HYDIN: variants seen among roughly 807,000 people sequenced by gnomAD.
The protein encoded by HYDIN is axonemal central pair apparatus protein HYDIN.
Under a neutral mutation model 403.9 loss-of-function variants are expected in HYDIN, and 132 were observed. The ratio of observed to expected loss-of-function variants is 0.33; its 90% CI spans 0.28 to 0.38. The LOEUF is 0.38. Among genes scored for constraint, HYDIN ranks in the 10% least tolerant of loss-of-function variants. The pLI is 1.00. For missense variants in HYDIN, 2,827 were observed against 5,009.5 expected, an observed-to-expected ratio of 0.56 and a Z score of 13.15; for synonymous variants, 1,202 against 1,891.7, an observed-to-expected ratio of 0.64 and a Z score of 9.46.
intron 83 of HYDIN, among the ~76,000 whole-genome samples, chr16:70,823,988 AT>A (rs1008819483): frequency 6.7e-6 from 1 of 149,582 alleles, no homozygotes; most frequent in African/African-American, 2.5e-5. Flanking sequence ...CTTTTCGAGG[AT>A]TGCAGTATTG....
chr16:70,930,490 A>T (rs532034394), intron 45 of HYDIN, among the ~76,000 whole-genome samples: 18 of 152,164 alleles, frequency 1.2e-4, no homozygotes, highest in Admixed American at 1.2e-3. Flanking sequence ...CAAAAGAAAA[A>T]AAAAAGAAAG....
chr16:71,043,450 T>A (rs1189384699), intron 18 of HYDIN, among the ~76,000 whole-genome samples: 1 of 131,972 alleles, frequency 7.6e-6, no homozygotes, highest in Non-Finnish European at 1.7e-5. Context: ...CTGCCTCATT[T>A]TCTTGTCTTT....
intron 9 of HYDIN, among the ~76,000 whole-genome samples, chr16:71,116,438 C>A (rs1249303195): frequency 6.6e-6 from 1 of 152,184 alleles, no homozygotes; most frequent in African/African-American, 2.4e-5. Flanking sequence ...TGTCGCTGGA[C>A]ACTTCGGTTG....
intron 84 of HYDIN, among the ~76,000 whole-genome samples, chr16:70,818,129 A>G (rs576765139): frequency 2.0e-5 from 3 of 152,336 alleles, no homozygotes; most frequent in African/African-American, 7.2e-5. Context: ...GACAAGGTTC[A>G]TAAGAGAGAA....
chr16:71,085,601 A>T (rs2082909520), intron 12 of HYDIN, among the ~76,000 whole-genome samples: 1 of 151,966 alleles, frequency 6.6e-6, no homozygotes. Flanking sequence ...TCTCCCTTCA[A>T]TTCTATCTGT....
intron 21 of HYDIN, among the ~76,000 whole-genome samples, chr16:71,021,675 C>T (rs1437697316): frequency 6.6e-6 from 1 of 152,044 alleles, no homozygotes; most frequent in Non-Finnish European, 1.5e-5. Context: ...GACCAGGAGC[C>T]TCAATCTTTG....
At chr16:71,200,363 G>C (rs536857601) in intron 1 of HYDIN, among the ~76,000 whole-genome samples, 23 of 152,218 alleles carry the variant, frequency 1.5e-4, no homozygotes, top group African/African-American at 5.5e-4. Flanking sequence ...ACCCTCTCTT[G>C]GGGTCTGGAT....
At chr16:70,938,143 G>A (rs762697057) in intron 44 of HYDIN, among the ~76,000 whole-genome samples, 2 of 152,248 alleles carry the variant, frequency 1.3e-5, no homozygotes, top group Non-Finnish European at 2.9e-5. Flanking sequence ...AGGCCAAGAA[G>A]GGGACCCAGG....
In HYDIN at chr16:70,807,375, G is replaced by C; in HGVS notation, c.*205C>G. On this transcript the variant is annotated 3_prime_UTR_variant, in exon 86 of 86. Coordinates refer to ENST00000393567, the MANE Select transcript of HYDIN (RefSeq NM_001270974.2). Reference sequence around the variant, plus strand: ...CAAGGATTCAGTTGTCTAAAATATAGAGCTGTTGTGTGTAGTTATAATGTT... The same window carrying C: ...CAAGGATTCAGTTGTCTAAAATATACAGCTGTTGTGTGTAGTTATAATGTT... 1.8e-6 allele frequency: 1 copy of C among 558,568 alleles called. No individual in the cohort carries two copies. Among genetic ancestry groups the C allele is most frequent in the South Asian group, 2.7e-5 (1 of 36,998 alleles). The allele number at this position is 558,568 out of a possible 1,614,324, so 34.6% of individuals were successfully genotyped here.
At chr16:71,189,225 G>T (rs1353999264) in intron 1 of HYDIN, among the ~76,000 whole-genome samples, 6 of 152,244 alleles carry the variant, frequency 3.9e-5, no homozygotes, top group Non-Finnish European at 8.8e-5. Flanking sequence ...AGTAACAGTG[G>T]TTACCTACAG....
chr16:71,049,317 C>A (rs1444980970), intron 18 of HYDIN, among the ~76,000 whole-genome samples: 1 of 152,218 alleles, frequency 6.6e-6, no homozygotes, highest in Non-Finnish European at 1.5e-5. Flanking sequence ...TGAAGCTATA[C>A]CTTATACACA....
At chr16:70,820,071 C>T (rs868682580) in intron 83 of HYDIN, among the ~76,000 whole-genome samples, 24 of 149,510 alleles carry the variant, frequency 1.6e-4, no homozygotes, top group Middle Eastern at 3.4e-3. Flanking sequence ...CCGCCCGCCT[C>T]GGCCTCCCAA....
intron 41 of HYDIN, among the ~76,000 whole-genome samples, chr16:70,948,276 C>T (rs2077944860): frequency 6.6e-6 from 1 of 151,530 alleles, no homozygotes; most frequent in East Asian, 1.9e-4. Context: ...GAAACTGGAT[C>T]CCTTCCTTAC....
At chr16:71,004,571 A>T (rs1298350496) in intron 23 of HYDIN, among the ~76,000 whole-genome samples, 1 of 151,858 alleles carries the variant, frequency 6.6e-6, no homozygotes, top group Non-Finnish European at 1.5e-5. Context: ...AATAAACTCA[A>T]CCTCATTATA....
chr16:70,937,668 T>A (rs1451500902), intron 44 of HYDIN, among the ~76,000 whole-genome samples: 2 of 53,816 alleles, frequency 3.7e-5, no homozygotes, highest in East Asian at 3.6e-4. Context: ...AGAGTCTGTC[T>A]CAAAAAAAAA....
intron 25 of HYDIN, among the ~76,000 whole-genome samples, chr16:70,990,055 T>C (rs527729802): frequency 1.3e-5 from 2 of 152,062 alleles, no homozygotes; most frequent in African/African-American, 4.8e-5. Context: ...GGAAAGATAG[T>C]GGTATCCACC....
intron 80 of HYDIN, among the ~76,000 whole-genome samples, chr16:70,831,510 G>GA (rs61309070): frequency 0.013 from 497 of 37,694 alleles, 1 homozygote; most frequent in Non-Finnish European, 0.019. Flanking sequence ...CTCTGTCTCA[G>GA]AAAAAAAAAA....
At chr16:70,840,836 G>GT (rs1222910475) in intron 75 of HYDIN, among the ~76,000 whole-genome samples, 8 of 151,690 alleles carry the variant, frequency 5.3e-5, no homozygotes, top group Non-Finnish European at 8.8e-5. Flanking sequence ...GGATGAAAGA[G>GT]TGGAAAGATG....
chr16:70,937,148 G>C (rs951479271), intron 44 of HYDIN, among the ~76,000 whole-genome samples: 3 of 147,574 alleles, frequency 2.0e-5, no homozygotes, highest in African/African-American at 8.1e-5. Context: ...ATGTGTGTGT[G>C]TGTGTGTGCG....
Sources: gnomAD v4.1 joint callset for allele counts (sites outside exome capture counted in the v4.1 genomes callset) on GRCh38, gnomAD v4.1.1 for gene constraint, MANE v1.5 for transcripts, NCBI Gene and HGNC (gene_info 2026-07-23, HGNC 2026-07-21) for gene names.